Variants in ZNF652 observed in about 807,000 individuals in gnomAD.
ZNF652 encodes the protein zinc finger protein 652.
A neutral mutation model predicts 45.2 loss-of-function variants in ZNF652; 16 were observed. That is an observed-to-expected ratio of 0.35 (90% CI 0.24 to 0.54). ZNF652 has a LOEUF of 0.54. Among genes scored for constraint, ZNF652 ranks in the 20% least tolerant of loss-of-function variants. The probability of loss-of-function intolerance (pLI) is 0.91; values close to 1 mark genes in which losing one functional copy is unlikely to be tolerated. For missense variants in ZNF652, 614 were observed against 765.6 expected, an observed-to-expected ratio of 0.80 and a Z score of 2.34; for synonymous variants, 250 against 260.6, an observed-to-expected ratio of 0.96 and a Z score of 0.39.
chr17:49,355,569 C>A (rs148671386), intron 1 of ZNF652, among the ~76,000 whole-genome samples: 3 of 151,236 alleles, frequency 2.0e-5, no homozygotes, highest in African/African-American at 7.3e-5. Flanking sequence ...AGAGTGAGAC[C>A]CTGTCTCAAA....
intron 1 of ZNF652, among the ~76,000 whole-genome samples, chr17:49,341,489 C>CAAA (rs754847307): frequency 0.069 from 5,630 of 81,884 alleles, 472 homozygotes; most frequent in Non-Finnish European, 0.083. Context: ...CTCATCTCTA[C>CAAA]AAAAAAAAAA....
chr17:49,298,729 G>T lies in ZNF652; in HGVS notation c.1505C>A (p.Pro502His), dbSNP rs2069510547. 1 of 1,613,990 alleles carries T rather than the reference G, an allele frequency of 6.2e-7. No homozygotes were observed. Among genetic ancestry groups the T allele is most frequent in the Admixed American group, 1.7e-5 (1 of 59,998 alleles). ...FRVTSPVNVP[P>H]AVQIPLTTSP... ...AGTTGTAAGTGGGATCTGGACAGCA[G>T]GTGGCACATTCACGGGGCTGGTCAC... The change falls in exon 6 of 6, where the codon CCT becomes CAT. Residue 502 changes from proline (P) to histidine (H), a missense_variant. Transcript: ENST00000430262.
Position 49,312,683 on chromosome 17 carries a change from A to G in ZNF652, c.1048+15T>C. The G allele has an allele frequency of 6.2e-7, 1 of 1,610,956 alleles. No homozygotes were observed. The highest frequency in any genetic ancestry group is 8.5e-7 in the Non-Finnish European group (1 of 1,178,864). On this transcript the variant is annotated intron_variant, in intron 3 of 5. Transcript: ENST00000430262. ...GGGAAAATTATAGGTATAAGAGAAA[A>G]GCAGAAAAACTTACCAACCATGTGT...
intron 1 of ZNF652, among the ~76,000 whole-genome samples, chr17:49,359,956 A>G (rs926579376): frequency 6.6e-6 from 1 of 152,238 alleles, no homozygotes; most frequent in African/African-American, 2.4e-5. Flanking sequence ...CAACGCATAA[A>G]GATTCAGGAT....
intron 1 of ZNF652, among the ~76,000 whole-genome samples, chr17:49,318,717 T>C (rs1345190547): frequency 6.6e-6 from 1 of 152,222 alleles, no homozygotes; most frequent in Admixed American, 6.5e-5. Context: ...AAGAGCTTTA[T>C]ATTGGCTGAC....
intron 1 of ZNF652, among the ~76,000 whole-genome samples, chr17:49,322,954 C>T (rs1398586452): frequency 2.0e-5 from 3 of 152,062 alleles, no homozygotes; most frequent in East Asian, 1.9e-4. Context: ...ATCATTTTGC[C>T]GATGGGGGGT....
At chr17:49,320,054 T>A (rs956367710) in intron 1 of ZNF652, among the ~76,000 whole-genome samples, 1 of 152,218 alleles carries the variant, frequency 6.6e-6, no homozygotes, top group African/African-American at 2.4e-5. Flanking sequence ...CTGGACTTTT[T>A]ATTTCAATTT....
At chr17:49,351,008 TATATATACACACACACACACACAC>T (rs1236354162) in intron 1 of ZNF652, among the ~76,000 whole-genome samples, 28 of 18,474 alleles carry the variant, frequency 1.5e-3, no homozygotes, top group Admixed American at 1.0e-3. Context: ...TATATATATA[TATATATACACACACACACACACAC>T]ACACACACAC....
intron 3 of ZNF652, among the ~76,000 whole-genome samples, 198 bp downstream of exon 3, chr17:49,312,500 A>G (rs1196540377): frequency 1.3e-5 from 2 of 152,100 alleles, no homozygotes; most frequent in African/African-American, 2.4e-5. Flanking sequence ...CTGAAGAGAA[A>G]ATAATGTTGA....
intron 1 of ZNF652, among the ~76,000 whole-genome samples, chr17:49,336,025 C>CTT (rs57525059): frequency 1.2e-4 from 17 of 146,780 alleles, no homozygotes; most frequent in South Asian, 4.3e-4. Context: ...GTTACCTTTA[C>CTT]TTTTTTTTTT....
At chr17:49,300,401 T>C (rs2069536065) in intron 5 of ZNF652, among the ~76,000 whole-genome samples, 1 of 152,192 alleles carries the variant, frequency 6.6e-6, no homozygotes, top group African/African-American at 2.4e-5. Flanking sequence ...CCATAGTTCT[T>C]AGAGCATTTA....
intron 1 of ZNF652, among the ~76,000 whole-genome samples, chr17:49,323,067 G>A (rs2069915830): frequency 1.3e-5 from 2 of 152,122 alleles, no homozygotes; most frequent in African/African-American, 4.8e-5. Flanking sequence ...GAAATTTGCT[G>A]CATTAACTTA....
chr17:49,300,397 T>C (rs1253852428), intron 5 of ZNF652, among the ~76,000 whole-genome samples: 1 of 152,156 alleles, frequency 6.6e-6, no homozygotes, highest in Non-Finnish European at 1.5e-5. Flanking sequence ...AATCCCATAG[T>C]TCTTAGAGCA....
intron 1 of ZNF652, among the ~76,000 whole-genome samples, chr17:49,356,528 T>C (rs1274035682): frequency 6.9e-6 from 1 of 143,950 alleles, no homozygotes; most frequent in Non-Finnish European, 1.5e-5. Context: ...TGACAGTAAA[T>C]CAATCACCTA....
intron 1 of ZNF652, among the ~76,000 whole-genome samples, chr17:49,350,764 G>A (rs1237287967): frequency 3.3e-5 from 5 of 151,392 alleles, no homozygotes; most frequent in Non-Finnish European, 7.4e-5. Context: ...GAGGTCAGGA[G>A]TTCAAGACCA....
At chr17:49,347,386 G>A (rs2070215559) in intron 1 of ZNF652, among the ~76,000 whole-genome samples, 1 of 152,102 alleles carries the variant, frequency 6.6e-6, no homozygotes, top group Non-Finnish European at 1.5e-5. Context: ...GAAACATGGT[G>A]AAACCTGGTC....
At chr17:49,332,462 T>C (rs994016353) in intron 1 of ZNF652, among the ~76,000 whole-genome samples, 3 of 152,154 alleles carry the variant, frequency 2.0e-5, no homozygotes, top group Non-Finnish European at 4.4e-5. Flanking sequence ...AGCCTGTATG[T>C]TCCCTCTCCG....
intron 1 of ZNF652, chr17:49,361,151 G>A (rs1481609482): frequency 6.6e-6 from 1 of 152,250 alleles, no homozygotes; most frequent in Non-Finnish European, 1.5e-5. Flanking sequence ...TTGTGGGGGA[G>A]GGATGCTCTA....
chr17:49,337,452 T>C (rs958373938), intron 1 of ZNF652, among the ~76,000 whole-genome samples: 1 of 152,184 alleles, frequency 6.6e-6, no homozygotes, highest in African/African-American at 2.4e-5. Flanking sequence ...CACTGGATGT[T>C]GGCAAACTGA....
Sources: allele counts gnomAD v4.1 joint callset (sites outside exome capture counted in the v4.1 genomes callset), GRCh38; gene constraint gnomAD v4.1.1; transcripts MANE v1.5; gene names NCBI Gene and HGNC (gene_info 2026-07-23, HGNC 2026-07-21).